Variants in GSE1 observed in about 807,000 individuals in gnomAD.
GSE1 encodes the protein genetic suppressor element 1.
A neutral mutation model predicts 112.6 loss-of-function variants in GSE1; 32 were observed. The observed-to-expected ratio is 0.28, with a 90% CI of 0.21 to 0.38. GSE1 has a LOEUF of 0.38. GSE1 is among the 10% of genes least tolerant of loss of function. The pLI is 1.00. For synonymous variants in GSE1, 1,115 were observed against 735.6 expected, an observed-to-expected ratio of 1.52 and a Z score of -8.35; for missense variants, 2,348 against 1,699.2, an observed-to-expected ratio of 1.38 and a Z score of -6.71.
rs889462334 is a variant in GSE1, at chr16:85,311,320, C to A, written c.2284-46143C>A. On this transcript the variant is annotated intron_variant, in intron 1 of 2. Transcript: ENST00000637419. The surrounding 1 kb of genome is among the most constrained non-coding windows in gnomAD (Gnocchi z 4.2). ...CAGCGGGCTCCCTGGACAGGGTGGG[C>A]GTCGTTAGAGCAGAAACGGTGGTGG... is the stretch of plus-strand genomic sequence containing the variant. Among the ~76,000 whole-genome samples the A allele has an allele frequency of 6.6e-6, 1 of 152,196 alleles. No homozygotes were observed. The highest frequency in any genetic ancestry group is 2.4e-5 in the African/African-American group (1 of 41,450).
At chr16:85,623,477 G>A (rs1313913403) in intron 1 of GSE1, among the ~76,000 whole-genome samples, 1 of 152,186 alleles carries the variant, frequency 6.6e-6, no homozygotes, top group African/African-American at 2.4e-5. Flanking sequence ...GAGCTGTTGG[G>A]CATGAGTCAG....
chr16:85,630,153 A>C (rs2049421475), intron 1 of GSE1, among the ~76,000 whole-genome samples: 1 of 152,148 alleles, frequency 6.6e-6, no homozygotes, highest in South Asian at 2.1e-4. Context: ...GAGCATCCTC[A>C]TGATACGGCA....
At chr16:85,420,332 G>C (rs2048806890) in intron 2 of GSE1, among the ~76,000 whole-genome samples, 1 of 152,138 alleles carries the variant, frequency 6.6e-6, no homozygotes, top group African/African-American at 2.4e-5. Flanking sequence ...TTCCAACTTT[G>C]GGTGTCCAGG....
At chr16:85,554,818 G>T (rs1214474843), upstream of GSE1, 14 of 939,140 alleles carry the variant, frequency 1.5e-5, no homozygotes, top group African/African-American at 1.8e-5. Flanking sequence ...CGGGCGGGCG[G>T]CCAGAGCGCG....
chr16:85,323,394 C>T (rs368065054), intron 1 of GSE1, among the ~76,000 whole-genome samples: 21 of 152,074 alleles, frequency 1.4e-4, no homozygotes, highest in African/African-American at 3.6e-4. Flanking sequence ...GCGGCACTGG[C>T]GGACCAGGCC....
chr16:85,479,031 C>T (rs1244621559), intron 2 of GSE1, among the ~76,000 whole-genome samples: 1 of 125,304 alleles, frequency 8.0e-6, no homozygotes, highest in African/African-American at 3.0e-5. Flanking sequence ...TTCCTTCCTT[C>T]CTTCCTTCCA....
At chr16:85,225,118 C>T (rs1050347610) in intron 1 of GSE1, among the ~76,000 whole-genome samples, 1 of 151,568 alleles carries the variant, frequency 6.6e-6, no homozygotes, top group Non-Finnish European at 1.5e-5. Context: ...AGAGAGATTC[C>T]CTCTTAAAAA....
intron 6 of GSE1, 25 bp downstream of exon 6, chr16:85,655,942 C>T (rs763910118): frequency 1.3e-6 from 2 of 1,567,794 alleles, no homozygotes; most frequent in Non-Finnish European, 1.7e-6. Flanking sequence ...AGCCGAGGAG[C>T]CCCTCTGCCC....
chr16:85,510,562 G>A (rs566613490), intron 2 of GSE1, among the ~76,000 whole-genome samples: 19 of 152,326 alleles, frequency 1.2e-4, no homozygotes, highest in African/African-American at 3.1e-4. Flanking sequence ...AGCAGGGGCC[G>A]GGGCTGTTTC....
chr16:85,664,259 C>G (rs137965656), intron 11 of GSE1, among the ~76,000 whole-genome samples: 4 of 152,232 alleles, frequency 2.6e-5, no homozygotes, highest in Non-Finnish European at 4.4e-5. Flanking sequence ...CTGCCCCTTA[C>G]GCACGCTTTC....
At chr16:85,511,817 G>C (rs1364616901) in intron 2 of GSE1, among the ~76,000 whole-genome samples, 1 of 152,192 alleles carries the variant, frequency 6.6e-6, no homozygotes, top group African/African-American at 2.4e-5. Context: ...AGCCTCCCTA[G>C]AGCCTCCAGA....
At chr16:85,471,380 T>C (rs2050291555) in intron 2 of GSE1, among the ~76,000 whole-genome samples, 1 of 152,206 alleles carries the variant, frequency 6.6e-6, no homozygotes, top group African/African-American at 2.4e-5. Flanking sequence ...TAGGTCAGGC[T>C]CATAGGCCTT....
intron 1 of GSE1, among the ~76,000 whole-genome samples, chr16:85,221,085 G>T (rs377494704): frequency 1.3e-4 from 20 of 151,992 alleles, no homozygotes; most frequent in Non-Finnish European, 2.9e-4. Context: ...GCCCCCAGCC[G>T]TAAAATCCTG....
chr16:85,254,770 A>C (rs988922237), intron 1 of GSE1, among the ~76,000 whole-genome samples: 2 of 152,232 alleles, frequency 1.3e-5, no homozygotes, highest in South Asian at 4.1e-4. Flanking sequence ...GGAAGGACGC[A>C]GGCAGAGGGG....
chr16:85,298,976 G>T (rs2966863), intron 1 of GSE1, among the ~76,000 whole-genome samples: 1 of 152,172 alleles, frequency 6.6e-6, no homozygotes, highest in Non-Finnish European at 1.5e-5. Context: ...GTAGGCACAC[G>T]GGCCAGCCTG....
intron 1 of GSE1, among the ~76,000 whole-genome samples, chr16:85,312,801 A>T (rs1282616000): frequency 6.6e-6 from 1 of 151,382 alleles, no homozygotes; most frequent in East Asian, 1.9e-4. Flanking sequence ...GGGCAGGAGG[A>T]GGAGGAGGTC....
intron 2 of GSE1, among the ~76,000 whole-genome samples, chr16:85,451,325 A>G (rs939114805): frequency 7.9e-5 from 12 of 152,204 alleles, no homozygotes; most frequent in Admixed American, 5.9e-4. Flanking sequence ...CTTTGCTAGG[A>G]TGTCATGTAG....
intron 1 of GSE1, among the ~76,000 whole-genome samples, chr16:85,335,806 G>T (rs754842990): frequency 6.6e-6 from 1 of 152,102 alleles, no homozygotes; most frequent in Non-Finnish European, 1.5e-5. Flanking sequence ...CCAGTGCCTT[G>T]TCTGAGGCCT....
intron 1 of GSE1, among the ~76,000 whole-genome samples, chr16:85,585,605 G>C (rs766936352): frequency 1.2e-4 from 18 of 152,220 alleles, no homozygotes; most frequent in Middle Eastern, 3.2e-3. Flanking sequence ...CCCAGCCCCA[G>C]TCTAGACCCC....
Sources: gnomAD v4.1 joint callset for allele counts (sites outside exome capture counted in the v4.1 genomes callset) on GRCh38, gnomAD v4.1.1 for gene constraint, Gnocchi (gnomAD v3.1) non-coding constraint, MANE v1.5 for transcripts, NCBI Gene and HGNC (gene_info 2026-07-23, HGNC 2026-07-21) for gene names.